Variants in NXN observed in about 807,000 individuals in gnomAD.
The protein encoded by NXN is nucleoredoxin 1.
Under a neutral mutation model 48.6 loss-of-function variants are expected in NXN, and 16 were observed. The observed-to-expected ratio is 0.33, with a 90% CI of 0.22 to 0.50. The LOEUF is 0.50. Ranked by LOEUF, NXN falls within the 20% of genes least tolerant of loss-of-function variation. The pLI, the probability that NXN is intolerant of heterozygous loss-of-function variation, is 0.98. For synonymous variants in NXN, 281 were observed against 269.6 expected (o/e 1.04, Z -0.41); for missense variants, 492 against 605.5 (o/e 0.81, Z 1.97).
intron 1 of NXN, among the ~76,000 whole-genome samples, chr17:922,634 G>C (rs188277221): frequency 1.2e-3 from 180 of 152,076 alleles, no homozygotes; most frequent in Middle Eastern, 3.4e-3. Flanking sequence ...GAAGTGCCCA[G>C]CCAGGACTCC....
chr17:840,083 C>T (rs1374581668), intron 1 of NXN, among the ~76,000 whole-genome samples: 6 of 137,468 alleles, frequency 4.4e-5, no homozygotes, highest in South Asian at 2.4e-4. Flanking sequence ...GGCGACAGAG[C>T]GAGACTGTCT....
intron 1 of NXN, among the ~76,000 whole-genome samples, chr17:922,551 C>T (rs938990673): frequency 3.3e-5 from 5 of 152,202 alleles, no homozygotes; most frequent in Non-Finnish European, 5.9e-5. Context: ...ACAAAAGACC[C>T]AGTTAGCCTG....
chr17:905,292 GCACA>G (rs1390120532), intron 1 of NXN: 2 of 142,932 alleles, frequency 1.4e-5, no homozygotes, highest in African/African-American at 2.5e-5. Flanking sequence ...GCATGGTAAT[GCACA>G]CACATAGTTT....
intron 1 of NXN, among the ~76,000 whole-genome samples, chr17:862,918 TATG>T (rs1228577572): frequency 6.6e-6 from 1 of 152,218 alleles, no homozygotes; most frequent in Non-Finnish European, 1.5e-5. Context: ...ATTTCTTGGG[TATG>T]ATAACGGTAT....
rs778350779 is a variant in NXN, at chr17:894,994, C to CTTTTTTT, written c.361-68923_361-68917dup. 1.6e-4 allele frequency among the ~76,000 whole-genome samples: 10 copies of CTTTTTTT among 60,822 alleles called. 2 individuals are homozygous for CTTTTTTT. The East Asian group carries it at 1.9e-3, about 11-fold the overall frequency. The allele number at this position is 60,822 out of a possible 152,430, so 39.9% of individuals were successfully genotyped here. ...TCTCATCCTTTCCTTTCACCCTTTC[C>CTTTTTTT]TTTTTTTTTTTTTTTTTTTTTTTTT... On this transcript the variant is annotated intron_variant, in intron 1 of 7. Transcript: ENST00000336868.
intron 1 of NXN, among the ~76,000 whole-genome samples, chr17:899,221 G>A (rs2068515133): frequency 6.6e-6 from 1 of 152,154 alleles, no homozygotes; most frequent in South Asian, 2.1e-4. Flanking sequence ...GCCTCCCAAA[G>A]TGCTGGGATT....
chr17:867,445 A>C (rs2068105775), intron 1 of NXN, among the ~76,000 whole-genome samples: 1 of 152,262 alleles, frequency 6.6e-6, no homozygotes, highest in Non-Finnish European at 1.5e-5. Flanking sequence ...TTATGCTCAG[A>C]GTAGGGCTTG....
chr17:817,209 C>T (rs1464070602), intron 5 of NXN, among the ~76,000 whole-genome samples: 1 of 152,142 alleles, frequency 6.6e-6, no homozygotes, highest in Non-Finnish European at 1.5e-5. Context: ...CTCTCAGCTC[C>T]CGCTTAGCCC....
rs1912943311 is a variant in NXN at position 823,723 on chromosome 17, A to G, written c.521T>C (p.Ile174Thr). 3 of 1,614,046 alleles carry G rather than the reference A, an allele frequency of 1.9e-6. No individual in the cohort carries two copies. Among genetic ancestry groups the G allele is most frequent in the Non-Finnish European group, 2.5e-6 (3 of 1,180,030 alleles). The change falls in exon 3 of 8, where the codon ATT (isoleucine) becomes ACT (threonine). Residue 174 changes from isoleucine to threonine, a missense_variant. Around this residue, in one of 3 missense-constraint regions of NXN, gnomAD observed 303 missense variants for 388.3 expected, o/e 0.78. Transcript: ENST00000336868. The part of the protein sequence containing the change: ...PWGPKPFREV[I>T]AGPLLRNNGQ... ...ATTGTTTCTAAGCAAGGGCCCTGCA[A>G]TGACTTCCCTGAAGGGTTTCGGTCC... is the stretch of plus-strand genomic sequence containing the variant.
At chr17:951,188 A>G (rs903244572) in intron 1 of NXN, among the ~76,000 whole-genome samples, 3 of 148,772 alleles carry the variant, frequency 2.0e-5, no homozygotes, top group African/African-American at 7.4e-5. Context: ...AAAAAAAAAA[A>G]AAAAAAAAAA....
In NXN at chr17:825,802, A is replaced by T; in HGVS notation, c.478+159T>A. The T allele has an allele frequency of 8.3e-6, 5 of 602,570 alleles. No homozygotes were observed. Among genetic ancestry groups the T allele is most frequent in the Non-Finnish European group, 1.5e-5 (5 of 333,220 alleles). 37.3% of individuals were successfully genotyped at this position (602,570 alleles called of 1,614,324 possible). ...AAATCTTAAAACCATGTCCTAGGGA[A>T]TACTATGATTTCACCAAGACGACAT... is the stretch of plus-strand genomic sequence containing the variant. On this transcript the variant is annotated intron_variant, in intron 2 of 7. Coordinates refer to ENST00000336868, the MANE Select transcript of NXN (RefSeq NM_022463.5). This position sits in a 1 kb window ranked among gnomAD's most constrained non-coding sequence, Gnocchi z 4.1.
In NXN at chr17:849,621, C is replaced by G. The variant is rs574914956; in HGVS notation, c.361-23543G>C. 3.3e-5 allele frequency among the ~76,000 whole-genome samples: 5 copies of G among 152,338 alleles called. No individual in the cohort carries two copies. The highest frequency in any genetic ancestry group is 1.2e-4 in the African/African-American group (5 of 41,576). ...CTCAGGGGCCGCTGGACTCCCTCTT[C>G]CCTCCCTCCACGTCCTTGTCCTCTG... On this transcript the variant is annotated intron_variant, in intron 1 of 7. Transcript: ENST00000336868. The surrounding 1 kb of genome is among the most constrained non-coding windows in gnomAD (Gnocchi z 4.2).
At position 927,079 on chromosome 17, in the gene NXN, C is replaced by T. The variant is rs181453483; in HGVS notation, c.360+52240G>A. 1.5e-4 allele frequency among the ~76,000 whole-genome samples: 22 copies of T among 151,518 alleles called. No individual in the cohort carries two copies. The East Asian group carries it at 3.5e-3, about 24-fold the overall frequency. On this transcript the variant is annotated intron_variant, in intron 1 of 7. Coordinates refer to ENST00000336868, the MANE Select transcript of NXN (RefSeq NM_022463.5). ...CTGTCATCCTAGCACTTTGGGAGGC[C>T]GAGGTGGGCGGATCACGAGGTCAGG...
chr17:925,491 C>T (rs899445160), intron 1 of NXN, among the ~76,000 whole-genome samples: 6 of 152,192 alleles, frequency 3.9e-5, no homozygotes, highest in African/African-American at 7.2e-5. Context: ...CGGGTTCAAG[C>T]GATTCTCCTG....
At chr17:969,347 G>A (rs80105539) in intron 1 of NXN, among the ~76,000 whole-genome samples, 4,153 of 152,192 alleles carry the variant, frequency 0.027, 255 homozygotes, top group East Asian at 0.26. Context: ...TTTCCAACCC[G>A]GGAAACCTGG....
At position 932,059 on chromosome 17, in the gene NXN, G is replaced by A. The variant is rs1476711890; in HGVS notation, c.360+47260C>T. 4.0e-5 allele frequency among the ~76,000 whole-genome samples: 6 copies of A among 151,560 alleles called. No individual in the cohort carries two copies. The highest frequency in any genetic ancestry group is 2.1e-4 in the South Asian group (1 of 4,822). The stretch of plus-strand genomic sequence containing the variant: ...ATGGGGAGGCTGAGGCAGGAGAATC[G>A]CTTGAACCTGGGAGACGGAGGTTGC... On this transcript the variant is annotated intron_variant, in intron 1 of 7. Transcript: ENST00000336868. The surrounding 1 kb of genome is among the most constrained non-coding windows in gnomAD (Gnocchi z 4.1).
At chr17:907,433 G>A (rs548164629) in intron 1 of NXN, among the ~76,000 whole-genome samples, 8 of 151,514 alleles carry the variant, frequency 5.3e-5, no homozygotes, top group African/African-American at 1.2e-4. Context: ...TCCGCCTCCC[G>A]AGTTCAAGTG....
chr17:978,660 G>C lies in NXN; in HGVS notation c.360+659C>G, dbSNP rs530098812. ...GGCGGGGGAGGCGGGGGCGGGAGAC[G>C]GAGCCGTGAGCGCCCTTCTCGGCCA... On this transcript the variant is annotated intron_variant, in intron 1 of 7. Coordinates refer to ENST00000336868, the MANE Select transcript of NXN (RefSeq NM_022463.5). The surrounding 1 kb of genome is among the most constrained non-coding windows in gnomAD (Gnocchi z 4.1). The C allele has an allele frequency of 2.6e-5, 4 of 152,198 alleles. No individual in the cohort carries two copies. The highest frequency in any genetic ancestry group is 5.9e-5 in the Non-Finnish European group (4 of 68,058). The allele number at this position is 152,198 out of a possible 1,614,324, so 9.4% of individuals were successfully genotyped here.
intron 1 of NXN, among the ~76,000 whole-genome samples, chr17:860,832 A>G (rs660732): frequency 0.31 from 47,683 of 152,270 alleles, 10,015 homozygotes; most frequent in African/African-American, 0.6. Flanking sequence ...AATAGTAACT[A>G]TTACCTATCT....
Sources: gnomAD v4.1 joint callset for allele counts (sites outside exome capture counted in the v4.1 genomes callset) on GRCh38, gnomAD v4.1.1 for gene constraint, gnomAD v4.1.1 regional missense constraint, Gnocchi (gnomAD v3.1) non-coding constraint, MANE v1.5 for transcripts, NCBI Gene and HGNC (gene_info 2026-07-23, HGNC 2026-07-21) for gene names.